The following ABCB11 variants were observed in gnomAD, a reference collection of about 807,000 sequenced individuals.
ABCB11 encodes the protein bile salt export pump.
ABCB11 carries 95 observed loss-of-function variants against 148.0 expected under a neutral mutation model. The ratio of observed to expected loss-of-function variants is 0.64; its 90% CI spans 0.54 to 0.76. The LOEUF is 0.76. Ranked by LOEUF, ABCB11 falls within the 30% of genes least tolerant of loss-of-function variation. The pLI is 0.00. For missense variants in ABCB11, 1,523 were observed against 1,617.8 expected (o/e 0.94, Z 1.01); for synonymous variants, 591 against 555.4 (o/e 1.06, Z -0.90).
rs1173267720 is a variant in ABCB11 at position 168,923,603 on chromosome 2, C to G, written c.*19G>C. Reference sequence around the variant, plus strand: ...CCTGTAACTGGTGCGTCATGTGTGTCTGAGATTCTTGCATTGGGTCAACTG... The same window carrying G: ...CCTGTAACTGGTGCGTCATGTGTGTGTGAGATTCTTGCATTGGGTCAACTG... On this transcript the variant is annotated 3_prime_UTR_variant, in exon 28 of 28. Transcript: ENST00000650372. The G allele has an allele frequency of 1.9e-6, 3 of 1,612,844 alleles. No homozygotes were observed. Among genetic ancestry groups the G allele is most frequent in the African/African-American group, 1.3e-5 (1 of 74,762 alleles).
chr2:169,005,747 T>C (rs1427878676), intron 5 of ABCB11, among the ~76,000 whole-genome samples: 1 of 152,216 alleles, frequency 6.6e-6, no homozygotes, highest in African/African-American at 2.4e-5. Flanking sequence ...GTAGTAAATA[T>C]GTTAATTAGC....
intron 9 of ABCB11, 112 bp from the exon 10 acceptor site, chr2:168,986,396 C>G (rs747103293): frequency 5.4e-6 from 5 of 919,340 alleles, no homozygotes; most frequent in Non-Finnish European, 8.4e-6. Context: ...TCATCGCAAA[C>G]ACAGAGCAGC....
chr2:168,995,508 G>A (rs1694684782), intron 6 of ABCB11, 26 bp from the exon 7 acceptor site: 1 of 1,592,800 alleles, frequency 6.3e-7, no homozygotes. Flanking sequence ...GGAATGTTTA[G>A]CATTGCAATG....
At chr2:169,010,533 G>T (rs1182048874) in intron 5 of ABCB11, among the ~76,000 whole-genome samples, 1 of 152,094 alleles carries the variant, frequency 6.6e-6, no homozygotes, top group African/African-American at 2.4e-5. Context: ...AAAATTATTG[G>T]GTTGTCTTGT....
rs1412231242 is a variant in ABCB11 at position 168,921,282 on chromosome 2, A to T, written c.*2340T>A. Among the ~76,000 whole-genome samples the T allele has an allele frequency of 2.0e-5, 3 of 152,216 alleles. No individual in the cohort carries two copies. The East Asian group carries it at 5.8e-4, about 29-fold the overall frequency. ...TACCAGGAAACACTGGAAAAGAGACATAAATAATATACCTCCATATCCTAG... is the reference window on the plus strand; with the variant it reads ...TACCAGGAAACACTGGAAAAGAGACTTAAATAATATACCTCCATATCCTAG... On this transcript the variant is annotated 3_prime_UTR_variant, in exon 28 of 28. Transcript: ENST00000650372.
rs66536812 is a variant in ABCB11, at chr2:168,996,804, TA to T, written c.390-83del. 6,993 of 431,996 alleles carry T rather than the reference TA, an allele frequency of 0.016. 467 individuals carry two copies. The highest frequency in any genetic ancestry group is 0.14 in the African/African-American group (6,313 of 46,558). 26.8% of individuals were successfully genotyped at this position (431,996 alleles called of 1,614,324 possible). On this transcript the variant is annotated intron_variant, in intron 5 of 27. Coordinates refer to ENST00000650372, the MANE Select transcript of ABCB11 (RefSeq NM_003742.4). ...TTACATTTGTGGATATAGAGGGATT[TA>T]AAAAATATATATATTTTAAATATAT...
Position 168,922,324 on chromosome 2 carries a change from T to C in ABCB11, c.*1298A>G, listed in dbSNP as rs1470047985. On this transcript the variant is annotated 3_prime_UTR_variant, in exon 28 of 28. Coordinates refer to ENST00000650372, the MANE Select transcript of ABCB11 (RefSeq NM_003742.4). Reference sequence around the variant, plus strand: ...TTGTGTCTCTAAGTGCAAACCTCCCTGTGAGCCTCCTCAGAGAGGGAGTAT... The same window carrying C: ...TTGTGTCTCTAAGTGCAAACCTCCCCGTGAGCCTCCTCAGAGAGGGAGTAT... Among the ~76,000 whole-genome samples, 5 of 152,200 alleles carry C rather than the reference T, an allele frequency of 3.3e-5. No homozygotes were observed. The highest frequency in any genetic ancestry group is 1.2e-4 in the African/African-American group (5 of 41,456).
At chr2:169,025,576 C>G (rs1040125841) in intron 1 of ABCB11, among the ~76,000 whole-genome samples, 1 of 152,220 alleles carries the variant, frequency 6.6e-6, no homozygotes, top group Non-Finnish European at 1.5e-5. Flanking sequence ...GAATACTAAT[C>G]CACTAACCTA....
At chr2:168,967,158 T>C (rs1041682692) in intron 17 of ABCB11, among the ~76,000 whole-genome samples, 2 of 151,942 alleles carry the variant, frequency 1.3e-5, no homozygotes, top group Admixed American at 6.6e-5. Context: ...GTGATTCTAA[T>C]GACTTGAATG....
rs574201605 is a variant in ABCB11 at position 169,010,509 on chromosome 2, A to T, written c.389+2763T>A. 1.2e-4 allele frequency among the ~76,000 whole-genome samples: 19 copies of T among 152,310 alleles called. No individual in the cohort carries two copies. In the South Asian group the frequency reaches 1.9e-3, roughly 15 times the overall value. On this transcript the variant is annotated intron_variant, in intron 5 of 27. Transcript: ENST00000650372. ...AACCAGCTCCTGTCATTACACACAC[A>T]TGCTTTTGTTGCTAAAATTATTGGG...
intron 14 of ABCB11, chr2:168,970,506 C>T: frequency 3.0e-6 from 2 of 659,316 alleles, no homozygotes; most frequent in Non-Finnish European, 4.7e-6. Flanking sequence ...AAAAATTGGT[C>T]ACGGTCCTAA....
chr2:168,997,842 G>A (rs1694762442), intron 5 of ABCB11, among the ~76,000 whole-genome samples: 1 of 151,940 alleles, frequency 6.6e-6, no homozygotes, highest in African/African-American at 2.4e-5. Flanking sequence ...CTAGTAGATT[G>A]CAAGCTACTC....
Position 168,995,482 on chromosome 2 carries a change from T to G in ABCB11, c.478A>C (p.Ile160Leu). 1 of 1,609,296 alleles carries G rather than the reference T, an allele frequency of 6.2e-7. No individual in the cohort carries two copies. Among genetic ancestry groups the G allele is most frequent in the Non-Finnish European group, 8.5e-7 (1 of 1,177,862 alleles). ...GCTGCGGCAATGACCCAAAAGCATA[T>G]CTGGAAATGGACAAAGGAATGTTTA... is the stretch of plus-strand genomic sequence containing the variant. The part of the protein sequence containing the change: ...VAVLITGYIQ[I>L]CFWVIAAARQ... Residue 160 changes from isoleucine (I) to leucine (L), a missense_variant and splice_region_variant, in exon 7 of 28, where the codon ATA becomes CTA. Physicochemically the swap from Ile to Leu is conservative, Grantham distance 5 (BLOSUM62 2). Coordinates refer to ENST00000650372, the MANE Select transcript of ABCB11 (RefSeq NM_003742.4).
rs147764231 is a variant in ABCB11 at position 168,940,124 on chromosome 2, T to A, written c.2611-3691A>T. On this transcript the variant is annotated intron_variant, in intron 21 of 27. Coordinates refer to ENST00000650372, the MANE Select transcript of ABCB11 (RefSeq NM_003742.4). ...TAACGCTACCTTGGCCTCTAAGTGT[T>A]CAAGTGAAATAAAGTCACACATCTC... 2.6e-3 allele frequency among the ~76,000 whole-genome samples: 401 copies of A among 152,126 alleles called. 1 individual carries two copies. The highest frequency in any genetic ancestry group is 4.8e-3 in the Non-Finnish European group (327 of 67,962).
intron 5 of ABCB11, among the ~76,000 whole-genome samples, chr2:168,997,293 G>A (rs566723036): frequency 6.6e-5 from 10 of 152,192 alleles, no homozygotes; most frequent in African/African-American, 2.2e-4. Context: ...TCCCATGGGA[G>A]AGAAAAGCAT....
chr2:168,958,143 G>C lies in ABCB11; in HGVS notation c.2179-15C>G. ...ATGTCCTTGTCCTTGAGCAGAGAGA[G>C]GGTTATATTAATCATCTAAATGTAC... is the stretch of plus-strand genomic sequence containing the variant. On this transcript the variant is annotated splice_polypyrimidine_tract_variant and intron_variant, in intron 18 of 27. Coordinates refer to ENST00000650372, the MANE Select transcript of ABCB11 (RefSeq NM_003742.4). 3 of 1,608,376 alleles carry C rather than the reference G, an allele frequency of 1.9e-6. No individual in the cohort carries two copies. Among genetic ancestry groups the C allele is most frequent in the Non-Finnish European group, 2.6e-6 (3 of 1,176,334 alleles).
intron 24 of ABCB11, 134 bp downstream of exon 24, chr2:168,932,243 G>A: frequency 1.4e-6 from 1 of 722,640 alleles, no homozygotes; most frequent in Non-Finnish European, 2.2e-6. Context: ...CCACTTATGA[G>A]TGAGAACATG....
chr2:168,946,289 A>G lies in ABCB11; in HGVS notation c.2344-1328T>C, dbSNP rs556289464. Among the ~76,000 whole-genome samples the G allele has an allele frequency of 2.2e-4, 34 of 152,034 alleles. No individual in the cohort carries two copies. The highest frequency in any genetic ancestry group is 4.8e-4 in the African/African-American group (20 of 41,514). ...TTCAAAGGAGACCATTTATTCAAAA[A>G]TATTTACTAAGTAGCTATTATTTGC... On this transcript the variant is annotated intron_variant, in intron 19 of 27. Transcript: ENST00000650372.
intron 5 of ABCB11, among the ~76,000 whole-genome samples, chr2:169,011,070 G>A (rs764388994): frequency 1.3e-5 from 2 of 152,192 alleles, no homozygotes; most frequent in African/African-American, 2.4e-5. Context: ...CTTTTTAATA[G>A]ATGGCTATGA....
Sources: allele counts gnomAD v4.1 joint callset (sites outside exome capture counted in the v4.1 genomes callset), GRCh38; gene constraint gnomAD v4.1.1; transcripts MANE v1.5; gene names NCBI Gene and HGNC (gene_info 2026-07-23, HGNC 2026-07-21).